The following COL7A1 variants were observed in gnomAD, a reference collection of about 807,000 sequenced individuals.
COL7A1 encodes collagen type VII alpha 1 chain, also known as collagen alpha-1(VII) chain.
COL7A1 carries 296 observed loss-of-function variants against 456.2 expected under a neutral mutation model. The ratio of observed to expected loss-of-function variants is 0.65; its 90% confidence interval spans 0.59 to 0.71. The LOEUF is 0.71. Among genes scored for constraint, COL7A1 ranks in the 30% least tolerant of loss-of-function variants. The pLI is 0.00. For missense variants in COL7A1, 3,441 were observed against 4,017.2 expected, an observed-to-expected ratio of 0.86 and a Z score of 3.88; for synonymous variants, 1,464 against 1,525.9, an observed-to-expected ratio of 0.96 and a Z score of 0.95.
At position 48,564,660 on chromosome 3, in the gene COL7A1, T is replaced by C. The variant is rs1170421886; in HGVS notation, c.8818+123A>G. ...GTCTGGGCGTCTGCCCCAGGTCCCC[T>C]ACTGCGAGGGAGCGTCTCCTCCAGG... On this transcript the variant is annotated intron_variant, in intron 118 of 118. Transcript: ENST00000681320. This position sits in a 1 kb window ranked among gnomAD's most constrained non-coding sequence, Gnocchi z 6.0. 8.3e-7 allele frequency: 1 copy of C among 1,205,068 alleles called. No individual in the cohort carries two copies. Among genetic ancestry groups the C allele is most frequent in the South Asian group, 1.5e-5 (1 of 68,378 alleles). 74.6% of individuals were successfully genotyped at this position (1,205,068 alleles called of 1,614,324 possible). A position where few individuals can be genotyped will look rare whatever the true frequency, so the allele number is the denominator to read the frequency against.
rs765324289 is a variant in COL7A1, at chr3:48,592,694, G to T, written c.852C>A (p.Asn284Lys). 1 of 1,613,236 alleles carries T rather than the reference G, an allele frequency of 6.2e-7. No homozygotes were observed. Among genetic ancestry groups the T allele is most frequent in the Non-Finnish European group, 8.5e-7 (1 of 1,179,890 alleles). Residue 284 changes from asparagine (N) to lysine (K), a missense_variant, in exon 8 of 119, where the codon AAC becomes AAA. Transcript: ENST00000681320. The surrounding 1 kb of genome is among the most constrained non-coding windows in gnomAD (Gnocchi z 7.6). ...QPLPSERQEV[N>K]VPAGETSVRL... ...GCACACTGGTCTCACCAGCTGGGAC[G>T]TTCACCTGCCCAGGGCAAGAGGTCA...
At position 48,570,018 on chromosome 3, in the gene COL7A1, A is replaced by C. The variant is rs2043809777; in HGVS notation, c.7486-103T>G. ...ACAGTGGGGACCAGACAAAGGGGAC[A>C]GGGGTAGACGAGGAGGGCCAGAGGG... On this transcript the variant is annotated intron_variant, in intron 99 of 118. Coordinates refer to ENST00000681320, the MANE Select transcript of COL7A1 (RefSeq NM_000094.4). This position sits in a 1 kb window ranked among gnomAD's most constrained non-coding sequence, Gnocchi z 5.5. 1 of 1,595,322 alleles carries C rather than the reference A, an allele frequency of 6.3e-7. No individual in the cohort carries two copies. Among genetic ancestry groups the C allele is most frequent in the African/African-American group, 1.3e-5 (1 of 74,564 alleles).
At position 48,581,141 on chromosome 3, in the gene COL7A1, T is replaced by A. The variant is rs2044726108; in HGVS notation, c.4916A>T (p.Lys1639Ile). The change falls in exon 53 of 119, where the codon AAA (lysine) becomes ATA (isoleucine). Residue 1639 changes from lysine to isoleucine, a missense_variant. Lys to Ile is a moderately radical substitution (Grantham distance 102). Transcript: ENST00000681320. The surrounding 1 kb of genome is among the most constrained non-coding windows in gnomAD (Gnocchi z 5.8). Reference protein sequence around the residue: ...PRGRDGEVGEKGDEGPPGDPG... With the variant: ...PRGRDGEVGEIGDEGPPGDPG... ...TCTCACCGGAGGACCCTCGTCACCT[T>A]TCTCTCCAACTTCACCCTGTGAAAC... 6.2e-7 allele frequency: 1 copy of A among 1,613,966 alleles called. No individual in the cohort carries two copies. Among genetic ancestry groups the A allele is most frequent in the East Asian group, 2.2e-5 (1 of 44,876 alleles).
In COL7A1 at chr3:48,567,497, C is replaced by CA; in HGVS notation, c.8046+76dup. Reference sequence around the variant, plus strand: ...CCCTCTACAGCCTTCCTTGTCCCTACACCCCCATGACCCGACCATGAGCTT... The same window carrying CA: ...CCCTCTACAGCCTTCCTTGTCCCTACAACCCCCATGACCCGACCATGAGCTT... On this transcript the variant is annotated intron_variant, in intron 109 of 118. Transcript: ENST00000681320. This position sits in a 1 kb window ranked among gnomAD's most constrained non-coding sequence, Gnocchi z 4.3. The CA allele has an allele frequency of 6.3e-7, 1 of 1,592,762 alleles. No individual in the cohort carries two copies. The highest frequency in any genetic ancestry group is 8.6e-7 in the Non-Finnish European group (1 of 1,160,854).
rs151111203 is a variant in COL7A1, at chr3:48,573,234, G to C, written c.6654C>G (p.Gly2218=). 3,082 of 1,614,106 alleles carry C rather than the reference G, an allele frequency of 1.9e-3. 28 individuals are homozygous for C. Among genetic ancestry groups the C allele is most frequent in the Non-Finnish European group, 1.4e-3 (1,597 of 1,180,038 alleles). The change falls in exon 85 of 119, where the codon GGC becomes GGG. Residue 2218 remains glycine, a splice_region_variant and synonymous_variant. Transcript: ENST00000681320. This position sits in a 1 kb window ranked among gnomAD's most constrained non-coding sequence, Gnocchi z 5.5. ...EPGETGPPGR[G]LTGPTGAVGL... ...CCACAGCTCCAGTAGGTCCAGTCAG[G>C]CCCTGGAGGAAGAGAAAGTTCAGGG... is the stretch of plus-strand genomic sequence containing the variant.
Position 48,565,625 on chromosome 3 carries a change from A to G in COL7A1, c.8440+11T>C. ...GGGTGAAGAAAGTTCTGGGAGTAGAAAACTACTCACGTGATCCAGATGCGA... is the reference window on the plus strand; with the variant it reads ...GGGTGAAGAAAGTTCTGGGAGTAGAGAACTACTCACGTGATCCAGATGCGA... On this transcript the variant is annotated intron_variant, in intron 115 of 118. Coordinates refer to ENST00000681320, the MANE Select transcript of COL7A1 (RefSeq NM_000094.4). This position sits in a 1 kb window ranked among gnomAD's most constrained non-coding sequence, Gnocchi z 4.5. 6.2e-7 allele frequency: 1 copy of G among 1,614,084 alleles called. No homozygotes were observed. The highest frequency in any genetic ancestry group is 8.5e-7 in the Non-Finnish European group (1 of 1,179,998).
In COL7A1 at chr3:48,573,933, T is replaced by C; in HGVS notation, c.6502-43A>G. The C allele has an allele frequency of 1.2e-6, 2 of 1,610,244 alleles. No individual in the cohort carries two copies. The highest frequency in any genetic ancestry group is 1.7e-5 in the Admixed American group (1 of 59,702). On this transcript the variant is annotated intron_variant, in intron 80 of 118. Transcript: ENST00000681320. This position sits in a 1 kb window ranked among gnomAD's most constrained non-coding sequence, Gnocchi z 5.5. ...TGATGAGCCTCAATCTGGGCCTCAC[T>C]TGGGCCTGTTCCCAACCTCTGGGGG...
Position 48,580,411 on chromosome 3 carries a change from A to G in COL7A1, c.5053-67T>C. Reference sequence around the variant, plus strand: ...AGTTTGGGAGAGCTTTGGAAGCACCATGAGGACTCATGGGAATGTTGGTAG... The same window carrying G: ...AGTTTGGGAGAGCTTTGGAAGCACCGTGAGGACTCATGGGAATGTTGGTAG... On this transcript the variant is annotated intron_variant, in intron 55 of 118. Transcript: ENST00000681320. This position sits in a 1 kb window ranked among gnomAD's most constrained non-coding sequence, Gnocchi z 4.5. The G allele has an allele frequency of 1.9e-6, 3 of 1,560,466 alleles. No homozygotes were observed. The South Asian group carries it at 3.4e-5, about 18-fold the overall frequency.
Position 48,588,888 on chromosome 3 carries a change from C to T in COL7A1, c.2422G>A (p.Ala808Thr), listed in dbSNP as rs2045487608. The change falls in exon 19 of 119, where the codon GCC becomes ACC. Residue 808 changes from alanine to threonine, a missense_variant. By Grantham distance (58) the Ala-to-Thr change is moderately conservative. Around this residue, in one of 3 missense-constraint regions of COL7A1, gnomAD observed 913 missense variants for 1,088.2 expected, o/e 0.84. Transcript: ENST00000681320. The surrounding 1 kb of genome is among the most constrained non-coding windows in gnomAD (Gnocchi z 4.6). Reference protein sequence around the residue: ...GVTGATAYRLAWGRSEGGPMR... With the variant: ...GVTGATAYRLTWGRSEGGPMR... ...GCCATACCTTCACTCCGGCCCCAGG[C>T]CAGTCTGTAAGCTGTGGCTCCAGTG... 6.2e-7 allele frequency: 1 copy of T among 1,613,710 alleles called. No homozygotes were observed. The highest frequency in any genetic ancestry group is 2.2e-5 in the East Asian group (1 of 44,882).
Position 48,587,900 on chromosome 3 carries a change from C to T in COL7A1, c.2750G>A (p.Ser917Asn), listed in dbSNP as rs1205999989. ...CTCCAGCCCGTCCAGGTGATAGCTG[C>T]TGAGCTCGGGCCCCAGGACCCGGGA... ...EQSRVLGPEL[S>N]SYHLDGLEPA... The change falls in exon 22 of 119, where the codon AGC becomes AAC. Residue 917 changes from serine (S) to asparagine (N), a missense_variant. Physicochemically the swap from Ser to Asn is conservative, Grantham distance 46. This residue lies in a region of COL7A1 where 444 missense variants were observed against 427.6 expected (regional missense o/e 1.04). Transcript: ENST00000681320. The surrounding 1 kb of genome is among the most constrained non-coding windows in gnomAD (Gnocchi z 6.1). 6 of 1,608,014 alleles carry T rather than the reference C, an allele frequency of 3.7e-6. No individual in the cohort carries two copies. The highest frequency in any genetic ancestry group is 5.1e-6 in the Non-Finnish European group (6 of 1,177,662).
At position 48,564,821 on chromosome 3, in the gene COL7A1, C is replaced by T. The variant is rs150903058; in HGVS notation, c.8780G>A (p.Arg2927His). 3.2e-4 allele frequency: 524 copies of T among 1,613,980 alleles called. 1 individual carries two copies. The highest frequency in any genetic ancestry group is 4.2e-4 in the Non-Finnish European group (495 of 1,179,976). Reference sequence around the variant, plus strand: ...CTGGACCACCCGGGGTGGGCAGCGGCGCTCGCAGGCCTCACGGGTCCCAAA... The same window carrying T: ...CTGGACCACCCGGGGTGGGCAGCGGTGCTCGCAGGCCTCACGGGTCCCAAA... The part of the protein sequence containing the change: ...NRFGTREACE[R>H]RCPPRVVQSQ... Residue 2927 changes from arginine (R) to histidine (H), a missense_variant, in exon 118 of 119, where the codon CGC becomes CAC. This residue lies in a region of COL7A1 where 2,084 missense variants were observed against 2,501.3 expected (regional missense o/e 0.83). Coordinates refer to ENST00000681320, the MANE Select transcript of COL7A1 (RefSeq NM_000094.4). The surrounding 1 kb of genome is among the most constrained non-coding windows in gnomAD (Gnocchi z 6.0).
Position 48,569,587 on chromosome 3 carries a change from C to T in COL7A1, c.7614+5G>A. ...GAGACCCAGTCCACACGTGGGCCCA[C>T]TCACCATGTCCCCCTTGGCACCCCG... On this transcript the variant is annotated splice_donor_5th_base_variant and intron_variant, in intron 102 of 118. Coordinates refer to ENST00000681320, the MANE Select transcript of COL7A1 (RefSeq NM_000094.4). The surrounding 1 kb of genome is among the most constrained non-coding windows in gnomAD (Gnocchi z 4.9). 1 of 1,613,808 alleles carries T rather than the reference C, an allele frequency of 6.2e-7. No individual in the cohort carries two copies. The highest frequency in any genetic ancestry group is 8.5e-7 in the Non-Finnish European group (1 of 1,179,832).
Position 48,590,100 on chromosome 3 carries a change from T to C in COL7A1, c.2050+113A>G. On this transcript the variant is annotated intron_variant, in intron 16 of 118. Coordinates refer to ENST00000681320, the MANE Select transcript of COL7A1 (RefSeq NM_000094.4). This position sits in a 1 kb window ranked among gnomAD's most constrained non-coding sequence, Gnocchi z 4.6. ...GTCTCTGAGGGAGGAGGGAGTGGGATTCTGAAGGGGGAGGCAGGAGTTCTG... is the reference window on the plus strand; with the variant it reads ...GTCTCTGAGGGAGGAGGGAGTGGGACTCTGAAGGGGGAGGCAGGAGTTCTG... 1 of 1,200,628 alleles carries C rather than the reference T, an allele frequency of 8.3e-7. No individual in the cohort carries two copies. The highest frequency in any genetic ancestry group is 1.2e-6 in the Non-Finnish European group (1 of 848,972). The allele number at this position is 1,200,628 out of a possible 1,614,324, so 74.4% of individuals were successfully genotyped here.
At position 48,587,302 on chromosome 3, in the gene COL7A1, G is replaced by A; in HGVS notation, c.3027C>T (p.Ile1009=). The A allele has an allele frequency of 6.2e-7, 1 of 1,604,944 alleles. No homozygotes were observed. The highest frequency in any genetic ancestry group is 8.5e-7 in the Non-Finnish European group (1 of 1,175,568). ...GCCCTGTCACCCGCTGGGAGCTTGA[G>A]ATCCCTGGAAGTGTCTGCGGGGACC... The part of the protein sequence containing the change: ...VPGSPQTLPG[I]SSSQRVTGLE... The change falls in exon 24 of 119, where the codon ATC becomes ATT. Residue 1009 remains isoleucine (I), a synonymous_variant. Coordinates refer to ENST00000681320, the MANE Select transcript of COL7A1 (RefSeq NM_000094.4). This position sits in a 1 kb window ranked among gnomAD's most constrained non-coding sequence, Gnocchi z 6.1.
chr3:48,576,850 G>A (rs1227631334), intron 67 of COL7A1, 34 bp downstream of exon 67: 6 of 1,614,070 alleles, frequency 3.7e-6, no homozygotes, highest in Non-Finnish European at 5.1e-6. Context: ...GTCAGGGTCA[G>A]GGGTCAGAGG....
chr3:48,584,485 C>G lies in COL7A1; in HGVS notation c.4119G>C (p.Ser1373=). The G allele has an allele frequency of 1.2e-6, 2 of 1,613,962 alleles. No homozygotes were observed. The highest frequency in any genetic ancestry group is 1.7e-6 in the Non-Finnish European group (2 of 1,179,962). Reference sequence around the variant, plus strand: ...TTGCCTCCACATACCCTGCACTTACCGATGGTCCAGGGTCCCCTTTCCGCC... The same window carrying G: ...TTGCCTCCACATACCCTGCACTTACGGATGGTCCAGGGTCCCCTTTCCGCC... The part of the protein sequence containing the change: ...LPGRKGDPGP[S]GPPGPRGPLG... Residue 1373 remains serine, a splice_region_variant and synonymous_variant, in exon 36 of 119, where the codon TCG becomes TCC. Transcript: ENST00000681320.
At position 48,580,142 on chromosome 3, in the gene COL7A1, C is replaced by G; in HGVS notation, c.5098-85G>C. Reference sequence around the variant, plus strand: ...TTTGCCCCAGGCTCAACTCTGCCCCCAAGTTCCCCGAAGCACCCCAATGCC... The same window carrying G: ...TTTGCCCCAGGCTCAACTCTGCCCCGAAGTTCCCCGAAGCACCCCAATGCC... On this transcript the variant is annotated intron_variant, in intron 56 of 118. Transcript: ENST00000681320. This position sits in a 1 kb window ranked among gnomAD's most constrained non-coding sequence, Gnocchi z 4.5. 6.3e-7 allele frequency: 1 copy of G among 1,577,552 alleles called. No individual in the cohort carries two copies. The highest frequency in any genetic ancestry group is 1.4e-5 in the African/African-American group (1 of 74,024).
chr3:48,567,953 C>A lies in COL7A1; in HGVS notation c.7876-62G>T. On this transcript the variant is annotated intron_variant, in intron 106 of 118. Coordinates refer to ENST00000681320, the MANE Select transcript of COL7A1 (RefSeq NM_000094.4). This position sits in a 1 kb window ranked among gnomAD's most constrained non-coding sequence, Gnocchi z 4.3. ...ACACCTCACTCTGTGACCCCCTTCA[C>A]CCTGAAACTAACTCTCCAAACAGGC... 1 of 1,608,954 alleles carries A rather than the reference C, an allele frequency of 6.2e-7. No homozygotes were observed.
rs1559427559 is a variant in COL7A1 at position 48,588,878 on chromosome 3, C to T, written c.2432G>A (p.Arg811Gln). 5.0e-6 allele frequency: 8 copies of T among 1,613,526 alleles called. No individual in the cohort carries two copies. Among genetic ancestry groups the T allele is most frequent in the South Asian group, 2.2e-5 (2 of 91,096 alleles). Reference sequence around the variant, plus strand: ...GCGTCAGGGAGCCATACCTTCACTCCGGCCCCAGGCCAGTCTGTAAGCTGT... The same window carrying T: ...GCGTCAGGGAGCCATACCTTCACTCTGGCCCCAGGCCAGTCTGTAAGCTGT... ...GATAYRLAWG[R>Q]SEGGPMRHQI... Residue 811 changes from arginine to glutamine, a missense_variant, in exon 19 of 119, where the codon CGG becomes CAG. Around this residue, in one of 3 missense-constraint regions of COL7A1, gnomAD observed 444 missense variants for 427.6 expected, o/e 1.04. Coordinates refer to ENST00000681320, the MANE Select transcript of COL7A1 (RefSeq NM_000094.4). This position sits in a 1 kb window ranked among gnomAD's most constrained non-coding sequence, Gnocchi z 4.6.
Sources: allele counts gnomAD v4.1 joint callset, GRCh38; gene constraint gnomAD v4.1.1; regional missense constraint gnomAD v4.1.1; non-coding constraint Gnocchi (gnomAD v3.1); transcripts MANE v1.5; gene names NCBI Gene and HGNC (gene_info 2026-07-23, HGNC 2026-07-21).